ADNP2: variants seen among roughly 807,000 people sequenced by gnomAD.
ADNP2 encodes the protein activity-dependent neuroprotector homeobox protein 2.
Under a neutral mutation model 16.4 loss-of-function variants are expected in ADNP2, and 8 were observed. The observed-to-expected ratio is 0.49, with a 90% confidence interval of 0.29 to 0.88. The LOEUF is 0.88. Ranked by LOEUF, ADNP2 falls within the 40% of genes least tolerant of loss-of-function variation. ADNP2 has a pLI of 0.09. For missense variants in ADNP2, 1,397 were observed against 1,395.1 expected, an observed-to-expected ratio of 1.00 and a Z score of -0.02; for synonymous variants, 637 against 545.8, an observed-to-expected ratio of 1.17 and a Z score of -2.33.
rs541418421 is a variant in ADNP2, at chr18:80,138,257, C to A, written c.2844C>A (p.Asp948Glu). Reference protein sequence around the residue: ...CRSAPKDSSSDLQAQPGFIHN... With the variant: ...CRSAPKDSSSELQAQPGFIHN... The stretch of plus-strand genomic sequence containing the variant: ...GTGCTCCCAAGGACAGCAGCTCAGA[C>A]CTGCAGGCCCAGCCGGGTTTTATTC... Residue 948 changes from aspartate to glutamate, a missense_variant, in exon 4 of 4, where the codon GAC (aspartate) becomes GAA (glutamate). Asp to Glu is a conservative substitution (Grantham distance 45). Around this residue, in one of 3 missense-constraint regions of ADNP2, gnomAD observed 611 missense variants for 648.7 expected, o/e 0.94. Coordinates refer to ENST00000262198, the MANE Select transcript of ADNP2 (RefSeq NM_014913.4). 3.1e-6 allele frequency: 5 copies of A among 1,614,142 alleles called. No homozygotes were observed. The East Asian group carries it at 6.7e-5, about 22-fold the overall frequency.
chr18:80,113,696 T>C (rs191587331), intron 1 of ADNP2, among the ~76,000 whole-genome samples: 3 of 152,290 alleles, frequency 2.0e-5, no homozygotes, highest in South Asian at 2.1e-4. Context: ...AAATATAACA[T>C]GATTTCTGCC....
At chr18:80,117,143 T>G (rs937268185) in intron 1 of ADNP2, among the ~76,000 whole-genome samples, 1 of 152,250 alleles carries the variant, frequency 6.6e-6, no homozygotes, top group African/African-American at 2.4e-5. Flanking sequence ...TTTTGCTTTT[T>G]TGATGGTGTC....
chr18:80,117,780 G>C (rs974979543), intron 2 of ADNP2, 130 bp downstream of exon 2: 8 of 642,706 alleles, frequency 1.2e-5, no homozygotes, highest in African/African-American at 3.8e-5. Context: ...AGCCTCATTA[G>C]TACTTATTTA....
Position 80,138,494 on chromosome 18 carries a change from G to A in ADNP2, c.3081G>A (p.Glu1027=), listed in dbSNP as rs1282318032. Reference sequence around the variant, plus strand: ...GACAAAGGAATGAAAGCAGAACAGAGGGACCTATTGTCAAGGACGAGGCTC... The same window carrying A: ...GACAAAGGAATGAAAGCAGAACAGAAGGACCTATTGTCAAGGACGAGGCTC... ...FKRQRNESRT[E]GPIVKDEALQ... is the part of the protein sequence containing the mutation. The change falls in exon 4 of 4, where the codon GAG becomes GAA. Residue 1027 remains glutamate (E), a synonymous_variant. Transcript: ENST00000262198. 1.2e-6 allele frequency: 2 copies of A among 1,613,986 alleles called. No individual in the cohort carries two copies. The highest frequency in any genetic ancestry group is 1.3e-5 in the African/African-American group (1 of 74,916).
chr18:80,120,173 C>A (rs2052415228), intron 2 of ADNP2, among the ~76,000 whole-genome samples: 1 of 152,124 alleles, frequency 6.6e-6, no homozygotes, highest in East Asian at 1.9e-4. Flanking sequence ...TGCTCCATGT[C>A]CCATCAGAGT....
At chr18:80,135,475 C>T (rs779797667) in intron 3 of ADNP2, 137 bp from the exon 4 acceptor site, 1 of 920,814 alleles carries the variant, frequency 1.1e-6, no homozygotes, top group Admixed American at 2.9e-5. Flanking sequence ...GTTTGCCAAC[C>T]CCTGGGTTAG....
chr18:80,117,486 T>C, intron 1 of ADNP2, 44 bp from the exon 2 acceptor site: 2 of 1,223,722 alleles, frequency 1.6e-6, no homozygotes, highest in Non-Finnish European at 1.1e-6. Context: ...TTTTGTGTAT[T>C]ATATACATGT....
intron 2 of ADNP2, among the ~76,000 whole-genome samples, chr18:80,124,141 A>G (rs1193073010): frequency 6.6e-6 from 1 of 152,190 alleles, no homozygotes; most frequent in Non-Finnish European, 1.5e-5. Flanking sequence ...AAATTTTTCT[A>G]TTTCTTCATG....
intron 2 of ADNP2, among the ~76,000 whole-genome samples, chr18:80,123,766 G>T (rs1397083327): frequency 6.8e-6 from 1 of 146,710 alleles, no homozygotes; most frequent in African/African-American, 2.5e-5. Context: ...GTCTCGCTCT[G>T]TCGCCCAGGC....
In ADNP2 at chr18:80,136,964, T is replaced by G; in HGVS notation, c.1551T>G (p.Ser517=). The G allele has an allele frequency of 6.2e-7, 1 of 1,613,966 alleles. No individual in the cohort carries two copies. The highest frequency in any genetic ancestry group is 2.2e-5 in the East Asian group (1 of 44,874). Residue 517 remains serine, a synonymous_variant, in exon 4 of 4, where the codon TCT becomes TCG. Coordinates refer to ENST00000262198, the MANE Select transcript of ADNP2 (RefSeq NM_014913.4). ...RVISAGQVVP[S]GLLSPNQTVS... The stretch of plus-strand genomic sequence containing the variant: ...TCTCTGCAGGCCAGGTGGTCCCGTC[T>G]GGGCTTCTTTCTCCCAACCAGACAG...
In ADNP2 at chr18:80,137,078, T is replaced by G; in HGVS notation, c.1665T>G (p.Pro555=). The change falls in exon 4 of 4, where the codon CCT becomes CCG. Residue 555 remains proline (P), a synonymous_variant. Transcript: ENST00000262198. The surrounding 1 kb of genome is among the most constrained non-coding windows in gnomAD (Gnocchi z 4.2). ...LSQPVVSGVL[P]VGQPVRPGVL... ...AGCCTGTTGTGTCGGGAGTTCTTCC[T>G]GTGGGCCAGCCAGTGAGGCCTGGGG... is the stretch of plus-strand genomic sequence containing the variant. 2 of 1,614,178 alleles carry G rather than the reference T, an allele frequency of 1.2e-6. No homozygotes were observed. Among genetic ancestry groups the G allele is most frequent in the Non-Finnish European group, 1.7e-6 (2 of 1,180,020 alleles).
At position 80,137,876 on chromosome 18, in the gene ADNP2, C is replaced by T. The variant is rs557933739; in HGVS notation, c.2463C>T (p.Pro821=). ...DVDANGNLLF[P]HLDFITILPK... is the part of the protein sequence containing the mutation. ...ATGCCAATGGCAACCTGCTCTTTCC[C>T]CACCTTGATTTCATCACCATATTGC... Residue 821 remains proline, a synonymous_variant, in exon 4 of 4, where the codon CCC becomes CCT. Coordinates refer to ENST00000262198, the MANE Select transcript of ADNP2 (RefSeq NM_014913.4). This position sits in a 1 kb window ranked among gnomAD's most constrained non-coding sequence, Gnocchi z 4.2. 9.5e-5 allele frequency: 154 copies of T among 1,614,114 alleles called. 2 individuals carry two copies. In the South Asian group the frequency reaches 1.6e-3, roughly 17 times the overall value.
chr18:80,123,455 T>C (rs1384498799), intron 2 of ADNP2, among the ~76,000 whole-genome samples: 1 of 152,016 alleles, frequency 6.6e-6, no homozygotes, highest in East Asian at 1.9e-4. Flanking sequence ...CACCGCAACC[T>C]CCGCCTCACA....
At position 80,137,190 on chromosome 18, in the gene ADNP2, C is replaced by A. The variant is rs752376563; in HGVS notation, c.1777C>A (p.Leu593Met). 7 of 1,614,108 alleles carry A rather than the reference C, an allele frequency of 4.3e-6. No homozygotes were observed. The South Asian group carries it at 7.7e-5, about 18-fold the overall frequency. ...TGGTGCTTCGCAGAACACCACCTTC[C>A]TGACATCAGGCTCTATTCTCAGACA... ...RPGASQNTTFLTSGSILRQLI... is the reference protein window; with the variant it reads ...RPGASQNTTFMTSGSILRQLI... Residue 593 changes from leucine to methionine, a missense_variant, in exon 4 of 4, where the codon CTG becomes ATG. Physicochemically the swap from Leu to Met is conservative, Grantham distance 15. This residue lies in a region of ADNP2 where 9 missense variants were observed against 27.0 expected (regional missense o/e 0.33). Coordinates refer to ENST00000262198, the MANE Select transcript of ADNP2 (RefSeq NM_014913.4). The surrounding 1 kb of genome is among the most constrained non-coding windows in gnomAD (Gnocchi z 4.2).
At position 80,136,895 on chromosome 18, in the gene ADNP2, G is replaced by T; in HGVS notation, c.1482G>T (p.Pro494=). ...SGVLPVGQTA[P]SRVLPPGQTA... is the part of the protein sequence containing the mutation. ...TTCTCCCTGTGGGCCAGACAGCTCC[G>T]TCACGGGTTCTTCCCCCAGGCCAGA... The change falls in exon 4 of 4, where the codon CCG becomes CCT. Residue 494 remains proline, a synonymous_variant. Coordinates refer to ENST00000262198, the MANE Select transcript of ADNP2 (RefSeq NM_014913.4). 1.9e-6 allele frequency: 3 copies of T among 1,614,082 alleles called. No homozygotes were observed. The highest frequency in any genetic ancestry group is 1.3e-5 in the African/African-American group (1 of 75,018).
chr18:80,109,670 G>A (rs2052344132), intron 1 of ADNP2, 198 bp downstream of exon 1: 1 of 149,684 alleles, frequency 6.7e-6, no homozygotes, highest in Non-Finnish European at 1.5e-5. Flanking sequence ...TTCGCGGCCC[G>A]AACGGCGCCC....
intron 2 of ADNP2, among the ~76,000 whole-genome samples, chr18:80,124,646 A>G (rs1443268565): frequency 6.6e-6 from 1 of 152,074 alleles, no homozygotes; most frequent in Non-Finnish European, 1.5e-5. Flanking sequence ...ATGATTGATT[A>G]AATCATCTTA....
rs1054818643 is a variant in ADNP2 at position 80,139,695 on chromosome 18, G to C, written c.*886G>C. On this transcript the variant is annotated 3_prime_UTR_variant, in exon 4 of 4. Transcript: ENST00000262198. ...CTTAACTACTCATAAACTAGTGAAA[G>C]GGAAGGTCTATGATACTCAGGAATA... is the stretch of plus-strand genomic sequence containing the variant. 3.3e-5 allele frequency: 5 copies of C among 152,502 alleles called. No homozygotes were observed. Among genetic ancestry groups the C allele is most frequent in the African/African-American group, 4.8e-5 (2 of 41,406 alleles). 9.4% of individuals were successfully genotyped at this position (152,502 alleles called of 1,614,324 possible).
intron 2 of ADNP2, among the ~76,000 whole-genome samples, chr18:80,123,739 CTTT>C (rs904486322): frequency 6.9e-6 from 1 of 144,694 alleles, no homozygotes; most frequent in African/African-American, 2.6e-5. Flanking sequence ...TTTTTTTTTT[CTTT>C]TTTTGGAGAC....
Sources: gnomAD v4.1 joint callset for allele counts (sites outside exome capture counted in the v4.1 genomes callset) on GRCh38, gnomAD v4.1.1 for gene constraint, gnomAD v4.1.1 regional missense constraint, Gnocchi (gnomAD v3.1) non-coding constraint, MANE v1.5 for transcripts, NCBI Gene and HGNC (gene_info 2026-07-23, HGNC 2026-07-21) for gene names.